Variants in ACCSL observed in about 807,000 individuals in gnomAD.
The protein encoded by ACCSL is probable inactive 1-aminocyclopropane-1-carboxylate synthase-like protein 2.
ACCSL carries 55 observed loss-of-function variants against 61.7 expected under a neutral mutation model. The observed-to-expected ratio is 0.89, with a 90% CI of 0.72 to 1.12. The LOEUF (loss-of-function observed/expected upper bound fraction) is 1.12. Among genes scored for constraint, ACCSL ranks in the 50% most tolerant of loss-of-function variants. The probability of loss-of-function intolerance (pLI) is 0.00; values close to 1 mark genes in which losing one functional copy is unlikely to be tolerated. For synonymous variants in ACCSL, 258 were observed against 264.3 expected (o/e 0.98, Z 0.23); for missense variants, 632 against 698.0 (o/e 0.91, Z 1.07).
At chr11:43,958,500 GGT>G in the ACCSL span, among the ~76,000 whole-genome samples, 20 of 152,300 alleles carry the variant, frequency 1.3e-4, 1 homozygote, top group East Asian at 3.9e-3. Flanking sequence ...TGATTTGAGA[GGT>G]GATAAAACTC....
At chr11:44,055,320 C>G in intron 9 of ACCSL, 29 bp downstream of exon 9, 2 of 1,574,820 alleles carry the variant, frequency 1.3e-6, no homozygotes, top group Non-Finnish European at 1.7e-6. Context: ...GAGTTGGGAA[C>G]GAGAACCACA....
chr11:43,988,870 A>G, the ACCSL span, among the ~76,000 whole-genome samples: 2 of 139,218 alleles, frequency 1.4e-5, no homozygotes, highest in Non-Finnish European at 3.0e-5. Context: ...TCCTGGGCTC[A>G]AGCAATCCTC....
chr11:44,049,873 C>A, intron 1 of ACCSL, 189 bp from the exon 2 acceptor site: 1 of 682,754 alleles, frequency 1.5e-6, no homozygotes, highest in Non-Finnish European at 2.6e-6. Flanking sequence ...ATTTATGTGG[C>A]TCTAATGGGG....
At chr11:44,044,547 G>A (rs140832056), upstream of ACCSL, among the ~76,000 whole-genome samples, 1 of 152,196 alleles carries the variant, frequency 6.6e-6, no homozygotes, top group Non-Finnish European at 1.5e-5. Context: ...AGACGATTCT[G>A]CAATCCCTAT....
chr11:43,965,560 A>G, the ACCSL span, among the ~76,000 whole-genome samples: 4 of 152,202 alleles, frequency 2.6e-5, no homozygotes, highest in African/African-American at 4.8e-5. Context: ...TAATCCCTAT[A>G]AAAATACCAA....
upstream of ACCSL, among the ~76,000 whole-genome samples, chr11:44,044,972 T>C (rs115150118): frequency 5.7e-3 from 860 of 152,212 alleles, 11 homozygotes; most frequent in African/African-American, 0.019. Flanking sequence ...GAGGAGAGGA[T>C]TGGTATACCC....
chr11:44,025,524 G>C, the ACCSL span, among the ~76,000 whole-genome samples: 1,720 of 152,136 alleles, frequency 0.011, 24 homozygotes, highest in Non-Finnish European at 0.015. Flanking sequence ...TGATAAGACT[G>C]TAACAGTTTT....
the ACCSL span, among the ~76,000 whole-genome samples, chr11:44,009,596 T>C: frequency 6.6e-6 from 1 of 152,066 alleles, no homozygotes; most frequent in African/African-American, 2.4e-5. Flanking sequence ...TGAGACCCTG[T>C]CTCTACTAAA....
chr11:44,057,287 G>A (rs1179152793), intron 11 of ACCSL, among the ~76,000 whole-genome samples: 1 of 152,110 alleles, frequency 6.6e-6, no homozygotes, highest in Non-Finnish European at 1.5e-5. Context: ...TTAATAGCTG[G>A]GATATAATGA....
the ACCSL span, among the ~76,000 whole-genome samples, chr11:43,923,371 AT>A: frequency 6.6e-6 from 1 of 151,924 alleles, no homozygotes; most frequent in Non-Finnish European, 1.5e-5. Flanking sequence ...AGTCTTGATT[AT>A]TTTTTTTAAT....
chr11:44,048,936 A>G (rs2134764681), intron 1 of ACCSL, among the ~76,000 whole-genome samples: 1 of 152,306 alleles, frequency 6.6e-6, no homozygotes, highest in Admixed American at 6.5e-5. Flanking sequence ...AGAGGTCTTA[A>G]AGGCTGAATC....
At chr11:44,036,360 A>C in the ACCSL span, among the ~76,000 whole-genome samples, 1 of 152,244 alleles carries the variant, frequency 6.6e-6, no homozygotes, top group East Asian at 1.9e-4. Context: ...AGTAGCATGA[A>C]CTTGGACAAG....
At chr11:44,023,579 T>C in the ACCSL span, among the ~76,000 whole-genome samples, 1 of 151,868 alleles carries the variant, frequency 6.6e-6, no homozygotes, top group Non-Finnish European at 1.5e-5. Flanking sequence ...GGTTTGTCAA[T>C]TCATTATCTT....
chr11:43,988,806 C>CTTTTTTTTT, the ACCSL span, among the ~76,000 whole-genome samples: 1 of 97,236 alleles, frequency 1.0e-5, no homozygotes, highest in East Asian at 4.9e-4. Flanking sequence ...ATTCTCTCTT[C>CTTTTTTTTT]TTTTTTTTTT....
chr11:44,025,465 G>A, the ACCSL span, among the ~76,000 whole-genome samples: 1,361 of 151,980 alleles, frequency 9.0e-3, 30 homozygotes, highest in East Asian at 0.065. Context: ...GTTCATTGCT[G>A]TCCCTCTCCT....
the ACCSL span, among the ~76,000 whole-genome samples, chr11:43,927,413 G>T: frequency 1.3e-5 from 2 of 152,208 alleles, no homozygotes; most frequent in Non-Finnish European, 2.9e-5. Context: ...AAAAGAGCAG[G>T]TAACACTTTT....
chr11:43,970,306 C>A, the ACCSL span, among the ~76,000 whole-genome samples: 7 of 151,942 alleles, frequency 4.6e-5, no homozygotes, highest in Non-Finnish European at 8.8e-5. Context: ...CCTGGGCTCA[C>A]GTGATCCTCC....
At chr11:44,004,886 TAGG>T in the ACCSL span, among the ~76,000 whole-genome samples, 2 of 152,188 alleles carry the variant, frequency 1.3e-5, no homozygotes, top group Non-Finnish European at 2.9e-5. Flanking sequence ...AGCACTGCTC[TAGG>T]AGTTCTTTCC....
At chr11:43,968,249 GA>G in the ACCSL span, among the ~76,000 whole-genome samples, 21,913 of 151,984 alleles carry the variant, frequency 0.14, 1,704 homozygotes, top group African/African-American at 0.2. Flanking sequence ...CCTTTAGGGT[GA>G]AAGTATTTTT....
Sources: allele counts gnomAD v4.1 joint callset (sites outside exome capture counted in the v4.1 genomes callset), GRCh38; gene constraint gnomAD v4.1.1; transcripts MANE v1.5; gene names NCBI Gene and HGNC (gene_info 2026-07-23, HGNC 2026-07-21).